Variants in CNPY1 observed in about 807,000 individuals in gnomAD.
The protein encoded by CNPY1 is canopy FGF signaling regulator 1.
CNPY1 carries 14 observed loss-of-function variants against 14.4 expected under a neutral mutation model. The ratio of observed to expected loss-of-function variants is 0.97; its 90% CI spans 0.64 to 1.52. The LOEUF (loss-of-function observed/expected upper bound fraction) is 1.52, where lower values mean the gene tolerates loss of function less well. Ranked by LOEUF, CNPY1 falls within the 40% of genes most tolerant of loss-of-function variation. The probability of loss-of-function intolerance (pLI) is 0.00; values close to 1 mark genes in which losing one functional copy is unlikely to be tolerated. For synonymous variants in CNPY1, 43 were observed against 46.5 expected (o/e 0.92, Z 0.31); for missense variants, 129 against 131.5 (o/e 0.98, Z 0.09).
chr7:155,507,985 G>A (rs573355185), intron 3 of CNPY1, among the ~76,000 whole-genome samples: 3 of 152,310 alleles, frequency 2.0e-5, no homozygotes, highest in Non-Finnish European at 4.4e-5. Flanking sequence ...ACAAACACAC[G>A]TATTCATTGT....
At chr7:155,521,440 A>C (rs993940583) in intron 2 of CNPY1, among the ~76,000 whole-genome samples, 1 of 152,182 alleles carries the variant, frequency 6.6e-6, no homozygotes, top group Non-Finnish European at 1.5e-5. Flanking sequence ...TTGCTTGCTC[A>C]TGGCCCCTGA....
chr7:155,526,597 A>G (rs899263674), intron 2 of CNPY1, among the ~76,000 whole-genome samples: 1 of 152,178 alleles, frequency 6.6e-6, no homozygotes, highest in African/African-American at 2.4e-5. Context: ...GAAATAAGAA[A>G]TCCAAATAGC....
At chr7:155,504,117 AC>A (rs1286339380) in intron 4 of CNPY1, among the ~76,000 whole-genome samples, 2 of 151,926 alleles carry the variant, frequency 1.3e-5, no homozygotes, top group Non-Finnish European at 2.9e-5. Flanking sequence ...CTGAGGAATA[AC>A]CCCCTGTTAC....
intron 2 of CNPY1, among the ~76,000 whole-genome samples, chr7:155,511,178 T>C (rs926764190): frequency 1.3e-5 from 2 of 152,166 alleles, no homozygotes; most frequent in African/African-American, 2.4e-5. Flanking sequence ...TACTTGATAC[T>C]TGGGGGGATG....
At chr7:155,539,157 T>G (rs947668585) in intron 2 of CNPY1, among the ~76,000 whole-genome samples, 1 of 152,204 alleles carries the variant, frequency 6.6e-6, no homozygotes, top group Non-Finnish European at 1.5e-5. Flanking sequence ...GATGTTCTGA[T>G]TTTCTTTCTG....
intron 2 of CNPY1, among the ~76,000 whole-genome samples, chr7:155,514,713 G>A (rs1308613346): frequency 6.6e-6 from 1 of 152,054 alleles, no homozygotes; most frequent in Admixed American, 6.6e-5. Context: ...TGACCAACAT[G>A]GAGAGACCCG....
chr7:155,511,131 C>T (rs1178223181), intron 2 of CNPY1, among the ~76,000 whole-genome samples: 2 of 152,108 alleles, frequency 1.3e-5, no homozygotes, highest in African/African-American at 4.8e-5. Flanking sequence ...TTCCTTCCTC[C>T]CTCCCCCACT....
chr7:155,504,065 T>C (rs1796211730), intron 4 of CNPY1, among the ~76,000 whole-genome samples: 1 of 152,224 alleles, frequency 6.6e-6, no homozygotes, highest in Non-Finnish European at 1.5e-5. Flanking sequence ...GAACATCTAA[T>C]GAACTTGCCT....
chr7:155,512,281 A>G (rs17837553), intron 2 of CNPY1, among the ~76,000 whole-genome samples: 4,684 of 152,278 alleles, frequency 0.031, 259 homozygotes, highest in African/African-American at 0.11. Flanking sequence ...GTTTGGTACA[A>G]GTTATAAGTA....
intron 2 of CNPY1, among the ~76,000 whole-genome samples, chr7:155,543,771 T>C (rs1421393180): frequency 6.6e-6 from 1 of 152,160 alleles, no homozygotes; most frequent in Non-Finnish European, 1.5e-5. Context: ...GAGAGAAGTC[T>C]CCGTGTGATG....
intron 2 of CNPY1, among the ~76,000 whole-genome samples, chr7:155,511,727 C>G (rs1796535937): frequency 6.6e-6 from 1 of 152,168 alleles, no homozygotes; most frequent in African/African-American, 2.4e-5. Context: ...AGCTCGGAGA[C>G]ACTACCTTAC....
At chr7:155,545,560 A>G (rs1797148281) in intron 2 of CNPY1, among the ~76,000 whole-genome samples, 1 of 152,226 alleles carries the variant, frequency 6.6e-6, no homozygotes. Flanking sequence ...GGCCTCACCA[A>G]GAACCACAGA....
At chr7:155,529,783 T>G (rs537212763) in intron 2 of CNPY1, among the ~76,000 whole-genome samples, 2 of 151,862 alleles carry the variant, frequency 1.3e-5, no homozygotes, top group East Asian at 3.9e-4. Flanking sequence ...TTTCTTTTTT[T>G]TTTTTCTTTA....
At chr7:155,505,988 A>C (rs1451214465) in intron 4 of CNPY1, among the ~76,000 whole-genome samples, 7 of 152,178 alleles carry the variant, frequency 4.6e-5, no homozygotes, top group Admixed American at 3.9e-4. Context: ...AAAACCAAAA[A>C]CAAAAAAAAC....
At chr7:155,507,152 G>T in intron 3 of CNPY1, 36 bp from the exon 4 acceptor site, 1 of 1,306,824 alleles carries the variant, frequency 7.7e-7, no homozygotes, top group Non-Finnish European at 1.1e-6. Context: ...GTGGATAGAC[G>T]CACACTGGCG....
intron 2 of CNPY1, among the ~76,000 whole-genome samples, chr7:155,538,430 C>T (rs1049685976): frequency 1.4e-4 from 22 of 152,216 alleles, no homozygotes; most frequent in African/African-American, 4.6e-4. Context: ...CGCCTTCACC[C>T]GCGTGTGACC....
chr7:155,529,886 G>T (rs961792219), intron 2 of CNPY1, among the ~76,000 whole-genome samples: 1 of 151,810 alleles, frequency 6.6e-6, no homozygotes, highest in Non-Finnish European at 1.5e-5. Flanking sequence ...TGGCTCAAGC[G>T]ATTCTCATGC....
At chr7:155,521,444 C>A (rs1796722584) in intron 2 of CNPY1, among the ~76,000 whole-genome samples, 1 of 152,126 alleles carries the variant, frequency 6.6e-6, no homozygotes, top group African/African-American at 2.4e-5. Flanking sequence ...TTGCTCATGG[C>A]CCCTGAGCAT....
rs1417816663 is a variant in CNPY1, at chr7:155,536,188, T to C, written c.99+9643A>G. On this transcript the variant is annotated intron_variant, in intron 2 of 4. Coordinates refer to ENST00000636446, the MANE Select transcript of CNPY1 (RefSeq NM_001393663.1). This position sits in a 1 kb window ranked among gnomAD's most constrained non-coding sequence, Gnocchi z 4.1. ...TGGCATGCAGTGGTGAAACAGGGAC[T>C]TGCAGCATTACCTGTGGTTACCTGG... is the stretch of plus-strand genomic sequence containing the variant. Among the ~76,000 whole-genome samples, 1 of 152,072 alleles carries C rather than the reference T, an allele frequency of 6.6e-6. No individual in the cohort carries two copies. Among genetic ancestry groups the C allele is most frequent in the Admixed American group, 6.6e-5 (1 of 15,256 alleles).
Sources: allele counts gnomAD v4.1 joint callset (sites outside exome capture counted in the v4.1 genomes callset), GRCh38; gene constraint gnomAD v4.1.1; non-coding constraint Gnocchi (gnomAD v3.1); transcripts MANE v1.5; gene names NCBI Gene and HGNC (gene_info 2026-07-23, HGNC 2026-07-21).